UPF3A: variants seen among roughly 807,000 people sequenced by gnomAD.
UPF3A encodes the protein UPF3A regulator of nonsense mediated mRNA decay.
In UPF3A, 42 loss-of-function variants were observed where a neutral mutation model predicts 53.5. The ratio of observed to expected loss-of-function variants is 0.78; its 90% CI spans 0.61 to 1.01. The LOEUF is 1.01. Among genes scored for constraint, UPF3A ranks in the 50% least tolerant of loss-of-function variants. The probability of loss-of-function intolerance (pLI) is 0.00; values close to 1 mark genes in which losing one functional copy is unlikely to be tolerated. For synonymous variants in UPF3A, 237 were observed against 225.3 expected, an observed-to-expected ratio of 1.05 and a Z score of -0.47; for missense variants, 575 against 598.0, an observed-to-expected ratio of 0.96 and a Z score of 0.40.
At chr13:114,300,951 C>T in intron 8 of UPF3A, among the ~76,000 whole-genome samples, 1 of 149,870 alleles carries the variant, frequency 6.7e-6, no homozygotes, top group East Asian at 1.9e-4. Context: ...GCTGGGATTA[C>T]AGGCACATGC....
chr13:114,303,403 C>G (rs1490023101), intron 9 of UPF3A, among the ~76,000 whole-genome samples: 2 of 152,168 alleles, frequency 1.3e-5, no homozygotes, highest in African/African-American at 4.8e-5. Flanking sequence ...TGTGCAGGAG[C>G]TACTTTCCCG....
chr13:114,304,566 G>A (rs1489381626), intron 9 of UPF3A, among the ~76,000 whole-genome samples: 1 of 152,166 alleles, frequency 6.6e-6, no homozygotes, highest in African/African-American at 2.4e-5. Flanking sequence ...GTTCTTGTTT[G>A]AGCAATAACA....
At chr13:114,304,000 A>G (rs1168382360) in intron 9 of UPF3A, among the ~76,000 whole-genome samples, 7 of 152,180 alleles carry the variant, frequency 4.6e-5, no homozygotes, top group Non-Finnish European at 2.9e-5. Flanking sequence ...GAAGGAGCGC[A>G]TGAGATGTAC....
intron 9 of UPF3A, 64 bp from the exon 10 acceptor site, chr13:114,304,725 G>A (rs2086886196): frequency 6.4e-7 from 1 of 1,564,516 alleles, no homozygotes; most frequent in Admixed American, 1.9e-5. Flanking sequence ...AGAAATATAG[G>A]GAGATATTGA....
chr13:114,296,579 G>C (rs542824497), intron 7 of UPF3A, among the ~76,000 whole-genome samples: 5 of 152,180 alleles, frequency 3.3e-5, no homozygotes, highest in African/African-American at 1.2e-4. Flanking sequence ...TCTGAGTTCT[G>C]TGAGCCATTT....
At chr13:114,289,443 G>A (rs541906533) in intron 5 of UPF3A, among the ~76,000 whole-genome samples, 1 of 149,840 alleles carries the variant, frequency 6.7e-6, no homozygotes, top group South Asian at 2.1e-4. Flanking sequence ...AGAATCGCTT[G>A]AACTCGGCAG....
At position 114,282,845 on chromosome 13, in the gene UPF3A, C is replaced by T. The variant is rs754117857; in HGVS notation, c.323C>T (p.Pro108Leu). The change falls in exon 3 of 10, where the codon CCT becomes CTT. Residue 108 changes from proline to leucine, a missense_variant. Coordinates refer to ENST00000375299, the MANE Select transcript of UPF3A (RefSeq NM_023011.4). ...GTTATCTCTTATTTCAGTCTTTATCCTCATCTCTACTCAAGAGCATACATT... is the reference window on the plus strand; with the variant it reads ...GTTATCTCTTATTTCAGTCTTTATCTTCATCTCTACTCAAGAGCATACATT... Reference protein sequence around the residue: ...EFFAADLSLYPHLYSRAYINF... With the variant: ...EFFAADLSLYLHLYSRAYINF... 13 of 1,605,326 alleles carry T rather than the reference C, an allele frequency of 8.1e-6. No individual in the cohort carries two copies. In the East Asian group the frequency reaches 1.6e-4, roughly 19 times the overall value.
At chr13:114,302,593 C>T (rs2086691354) in intron 9 of UPF3A, among the ~76,000 whole-genome samples, 1 of 152,182 alleles carries the variant, frequency 6.6e-6, no homozygotes, top group Non-Finnish European at 1.5e-5. Context: ...AAACTGAGGG[C>T]TGCCTAGGGT....
chr13:114,287,328 C>G (rs564838579), intron 5 of UPF3A: 28 of 152,446 alleles, frequency 1.8e-4, no homozygotes, highest in African/African-American at 6.7e-4. Flanking sequence ...GCCCTGCCCA[C>G]CCATCAAGAT....
intron 5 of UPF3A, among the ~76,000 whole-genome samples, chr13:114,288,175 G>A (rs182299022): frequency 3.9e-5 from 6 of 152,338 alleles, no homozygotes; most frequent in Non-Finnish European, 7.3e-5. Context: ...CACTGACTCT[G>A]GGCCTCAGCA....
At chr13:114,294,564 A>C (rs1218126932) in intron 7 of UPF3A, among the ~76,000 whole-genome samples, 1 of 152,216 alleles carries the variant, frequency 6.6e-6, no homozygotes, top group African/African-American at 2.4e-5. Flanking sequence ...GGCTATTCTT[A>C]ATAAAGAGAA....
chr13:114,299,085 A>G, intron 8 of UPF3A, 85 bp downstream of exon 8: 6 of 1,353,924 alleles, frequency 4.4e-6, no homozygotes, highest in Non-Finnish European at 5.8e-6. Flanking sequence ...CCTATTTCAC[A>G]CTGTTCTTGG....
intron 7 of UPF3A, among the ~76,000 whole-genome samples, chr13:114,295,083 G>GC (rs1400974359): frequency 1.4e-5 from 2 of 147,992 alleles, no homozygotes; most frequent in African/African-American, 5.1e-5. Context: ...CTGCACTCCA[G>GC]CCTGGGCGAC....
intron 7 of UPF3A, among the ~76,000 whole-genome samples, chr13:114,295,067 G>C (rs774405258): frequency 1.8e-4 from 26 of 140,656 alleles, no homozygotes; most frequent in African/African-American, 5.7e-4. Flanking sequence ...AGCCAAGATT[G>C]CGCCACTGCA....
chr13:114,289,297 G>A (rs1293040669), intron 5 of UPF3A, among the ~76,000 whole-genome samples: 2 of 152,038 alleles, frequency 1.3e-5, no homozygotes, highest in African/African-American at 4.8e-5. Flanking sequence ...AGGCTGAGGC[G>A]GGCAGATCAT....
rs966471737 is a variant in UPF3A at position 114,282,474 on chromosome 13, C to T, written c.314+347C>T. ...CGGGGCCGGGGGGCGCCGGCTCTTCCTGTGGCCTCCACGCTGGTGCCGCAG... is the reference window on the plus strand; with the variant it reads ...CGGGGCCGGGGGGCGCCGGCTCTTCTTGTGGCCTCCACGCTGGTGCCGCAG... On this transcript the variant is annotated intron_variant, in intron 2 of 9. Transcript: ENST00000375299. 7.1e-6 allele frequency: 7 copies of T among 985,250 alleles called. No homozygotes were observed. In the South Asian group the frequency reaches 1.9e-4, roughly 26 times the overall value. 61.0% of individuals were successfully genotyped at this position (985,250 alleles called of 1,614,324 possible). A position where few individuals can be genotyped will look rare whatever the true frequency, so the allele number is the denominator to read the frequency against.
chr13:114,305,084 T>C lies in UPF3A; in HGVS notation c.*167T>C. ...GCAGAAACCATTCTAAAGAAAGTAG[T>C]GATCTTGTATTAAATTGAGCAGAAT... is the stretch of plus-strand genomic sequence containing the variant. On this transcript the variant is annotated 3_prime_UTR_variant, in exon 10 of 10. Transcript: ENST00000375299. 1 of 780,056 alleles carries C rather than the reference T, an allele frequency of 1.3e-6. No homozygotes were observed. Among genetic ancestry groups the C allele is most frequent in the Non-Finnish European group, 2.1e-6 (1 of 484,176 alleles). The allele number at this position is 780,056 out of a possible 1,614,324, so 48.3% of individuals were successfully genotyped here.
rs752305683 is a variant in UPF3A at position 114,281,782 on chromosome 13, C to T, written c.143C>T (p.Ser48Leu). The T allele has an allele frequency of 1.1e-4, 166 of 1,556,404 alleles. No individual in the cohort carries two copies. The highest frequency in any genetic ancestry group is 1.3e-4 in the Non-Finnish European group (148 of 1,151,168). ...QQQEAETPPT[S>L]SSGCGGGAGK... ...CAGGAGGCTGAGACGCCGCCAACTT[C>T]GTCCTCCGGTTGCGGGGGCGGTGCG... Residue 48 changes from serine (S) to leucine (L), a missense_variant, in exon 1 of 10, where the codon TCG (serine) becomes TTG (leucine). Around this residue, in one of 2 missense-constraint regions of UPF3A, gnomAD observed 252 missense variants for 182.7 expected, o/e 1.38. Coordinates refer to ENST00000375299, the MANE Select transcript of UPF3A (RefSeq NM_023011.4).
chr13:114,281,926 G>GGAGA, intron 1 of UPF3A, 80 bp downstream of exon 1: 1 of 1,109,702 alleles, frequency 9.0e-7, no homozygotes, highest in East Asian at 2.7e-5. Context: ...GGGGAGGGAG[G>GGAGA]GGCGGGGGCC....
Sources: gnomAD v4.1 joint callset for allele counts (sites outside exome capture counted in the v4.1 genomes callset) on GRCh38, gnomAD v4.1.1 for gene constraint, gnomAD v4.1.1 regional missense constraint, MANE v1.5 for transcripts, NCBI Gene and HGNC (gene_info 2026-07-23, HGNC 2026-07-21) for gene names.